Variants in TECPR1 observed in about 807,000 individuals in gnomAD.
TECPR1 encodes the protein tectonin beta-propeller repeat containing 1.
Under a neutral mutation model 162.4 loss-of-function variants are expected in TECPR1, and 122 were observed. The observed-to-expected ratio is 0.75, with a 90% CI of 0.65 to 0.87. The LOEUF (loss-of-function observed/expected upper bound fraction) is 0.87, where lower values mean the gene tolerates loss of function less well. Among genes scored for constraint, TECPR1 ranks in the 40% least tolerant of loss-of-function variants. TECPR1 has a pLI of 0.00. For missense variants in TECPR1, 1,432 were observed against 1,618.2 expected (o/e 0.88, Z 1.97); for synonymous variants, 642 against 670.6 (o/e 0.96, Z 0.66).
At chr7:98,224,177 C>G (rs60997612) in intron 19 of TECPR1, among the ~76,000 whole-genome samples, 1 of 152,040 alleles carries the variant, frequency 6.6e-6, no homozygotes, top group Non-Finnish European at 1.5e-5. Flanking sequence ...GCCGAGGGGA[C>G]GGTCCTGGTC....
rs530607449 is a variant in TECPR1, at chr7:98,238,593, G to A, written c.951C>T (p.Gly317=). Residue 317 remains glycine, a synonymous_variant, in exon 9 of 26, where the codon GGC becomes GGT. Coordinates refer to ENST00000447648, the MANE Select transcript of TECPR1 (RefSeq NM_015395.3). The part of the protein sequence containing the change: ...TKDWKVWFRR[G]VNSHNPCGTS... ...TGCCGCAGGGATTGTGAGAGTTGAC[G>A]CCTCTTCGGAACCACACCTGGGGGA... The A allele has an allele frequency of 4.5e-6, 7 of 1,568,256 alleles. No individual in the cohort carries two copies. In the Admixed American group the frequency reaches 5.7e-5, roughly 13 times the overall value.
Position 98,236,768 on chromosome 7 carries a change from C to T in TECPR1, c.1181+8G>A. ...CTGACTCCTGCGCACCCTGCCACCC[C>T]CAGTCACCTGAGGAGACTAGACGAG... On this transcript the variant is annotated splice_region_variant and intron_variant, in intron 10 of 25. Coordinates refer to ENST00000447648, the MANE Select transcript of TECPR1 (RefSeq NM_015395.3). The T allele has an allele frequency of 6.3e-7, 1 of 1,594,362 alleles. No homozygotes were observed. The highest frequency in any genetic ancestry group is 1.7e-5 in the Admixed American group (1 of 57,502).
chr7:98,229,310 G>T, intron 15 of TECPR1, 144 bp from the exon 16 acceptor site: 1 of 1,094,228 alleles, frequency 9.1e-7, no homozygotes, highest in Non-Finnish European at 1.3e-6. Flanking sequence ...CACCCTGCCT[G>T]ACCTCCGCGT....
chr7:98,243,747 G>T (rs1261519400), intron 5 of TECPR1, among the ~76,000 whole-genome samples, 155 bp from the exon 6 acceptor site: 1 of 152,172 alleles, frequency 6.6e-6, no homozygotes, highest in Non-Finnish European at 1.5e-5. Flanking sequence ...GACTGTGGGG[G>T]CCCCTGCCCG....
At position 98,241,175 on chromosome 7, in the gene TECPR1, C is replaced by T. The variant is rs1189987549; in HGVS notation, c.727G>A (p.Gly243Arg). ...GSSWSLLDTPGEVVQISCGPH... is the reference protein window; with the variant it reads ...GSSWSLLDTPREVVQISCGPH... ...CCACAGCTGATCTGAACCACCTCCC[C>T]GGGGGTGTCCAGCAGGGACCAGGAG... Residue 243 changes from glycine (G) to arginine (R), a missense_variant, in exon 7 of 26, where the codon GGG becomes AGG. Physicochemically the swap from Gly to Arg is moderately radical, Grantham distance 125. Transcript: ENST00000447648. This position sits in a 1 kb window ranked among gnomAD's most constrained non-coding sequence, Gnocchi z 5.0. 1.4e-5 allele frequency: 22 copies of T among 1,612,852 alleles called. No homozygotes were observed. The highest frequency in any genetic ancestry group is 2.2e-5 in the East Asian group (1 of 44,876).
intron 9 of TECPR1, among the ~76,000 whole-genome samples, chr7:98,237,328 C>T (rs1798629967): frequency 6.6e-6 from 1 of 152,264 alleles, no homozygotes; most frequent in Admixed American, 6.5e-5. Flanking sequence ...GAGTCTTGCT[C>T]TGTCACCCAG....
Position 98,236,762 on chromosome 7 carries a change from C to T in TECPR1, c.1181+14G>A. ...CCCAGCCTGACTCCTGCGCACCCTGCCACCCCCAGTCACCTGAGGAGACTA... is the reference window on the plus strand; with the variant it reads ...CCCAGCCTGACTCCTGCGCACCCTGTCACCCCCAGTCACCTGAGGAGACTA... On this transcript the variant is annotated intron_variant, in intron 10 of 25. Coordinates refer to ENST00000447648, the MANE Select transcript of TECPR1 (RefSeq NM_015395.3). The T allele has an allele frequency of 1.3e-6, 2 of 1,592,772 alleles. No individual in the cohort carries two copies. Among genetic ancestry groups the T allele is most frequent in the Non-Finnish European group, 8.5e-7 (1 of 1,173,174 alleles).
Position 98,225,072 on chromosome 7 carries a change from G to T in TECPR1, c.2544C>A (p.Ser848Arg). 1 of 1,569,188 alleles carries T rather than the reference G, an allele frequency of 6.4e-7. No individual in the cohort carries two copies. The highest frequency in any genetic ancestry group is 1.9e-5 in the Admixed American group (1 of 53,120). ...TGCACTCCTGCAGCCCCGAGGCATC[G>T]CTCCACATGTACCGGTCCGTGGGCA... ...RGLPTDRYMW[S>R]DASGLQECTK... Residue 848 changes from serine (S) to arginine (R), a missense_variant, in exon 18 of 26, where the codon AGC becomes AGA. Coordinates refer to ENST00000447648, the MANE Select transcript of TECPR1 (RefSeq NM_015395.3).
intron 10 of TECPR1, among the ~76,000 whole-genome samples, chr7:98,235,849 A>AAAAAAAAAAAAAAAAAAAAAAAACCAAC: frequency 9.1e-6 from 1 of 110,258 alleles, no homozygotes; most frequent in Non-Finnish European, 2.1e-5. Flanking sequence ...AAAAAAAAAA[A>AAAAAAAAAAAAAAAAAAAAAAAACCAAC]AACACCATCT....
chr7:98,244,700 C>A lies in TECPR1; in HGVS notation c.409-7G>T. 6.2e-7 allele frequency: 1 copy of A among 1,604,942 alleles called. No homozygotes were observed. The highest frequency in any genetic ancestry group is 8.5e-7 in the Non-Finnish European group (1 of 1,174,008). ...CGATGGCGTACGTCCACCCCTGAAA[C>A]ACCAAGGAAGGGGCTCTCAGGCTCT... On this transcript the variant is annotated splice_region_variant and splice_polypyrimidine_tract_variant and intron_variant, in intron 4 of 25. Coordinates refer to ENST00000447648, the MANE Select transcript of TECPR1 (RefSeq NM_015395.3).
Position 98,231,029 on chromosome 7 carries a change from C to T in TECPR1, c.2214G>A (p.Gly738=), listed in dbSNP as rs745962508. Residue 738 remains glycine (G), a synonymous_variant, in exon 15 of 26, where the codon GGG becomes GGA. Coordinates refer to ENST00000447648, the MANE Select transcript of TECPR1 (RefSeq NM_015395.3). ...PQAIWSITCK[G]DIFVSEPSPD... ...GGCTGGGCTCGCTCACGAAGATGTCCCCCTTGCAGGTGATGGACCAGATGG... is the reference window on the plus strand; with the variant it reads ...GGCTGGGCTCGCTCACGAAGATGTCTCCCTTGCAGGTGATGGACCAGATGG... The T allele has an allele frequency of 1.9e-6, 3 of 1,612,838 alleles. No individual in the cohort carries two copies. Among genetic ancestry groups the T allele is most frequent in the East Asian group, 4.5e-5 (2 of 44,866 alleles).
At position 98,244,990 on chromosome 7, in the gene TECPR1, G is replaced by A; in HGVS notation, c.303C>T (p.Leu101=). The change falls in exon 4 of 26, where the codon CTC becomes CTT. Residue 101 remains leucine, a synonymous_variant. Coordinates refer to ENST00000447648, the MANE Select transcript of TECPR1 (RefSeq NM_015395.3). ...CCACCCTGTCCAGCGGCCGGTGCTG[G>A]AGCCCACTCACGTCACTCCACCCCC... ...DRWGWSDVSG[L]QHRPLDRVAL... is the part of the protein sequence containing the mutation. 6.2e-7 allele frequency: 1 copy of A among 1,611,968 alleles called. No homozygotes were observed. Among genetic ancestry groups the A allele is most frequent in the Non-Finnish European group, 8.5e-7 (1 of 1,179,520 alleles).
At chr7:98,224,902 G>A in intron 18 of TECPR1, 22 bp from the exon 19 acceptor site, 1 of 1,555,538 alleles carries the variant, frequency 6.4e-7, no homozygotes, top group African/African-American at 1.4e-5. Context: ...GGGTCAGTGA[G>A]GATGGGACCC....
intron 2 of TECPR1, among the ~76,000 whole-genome samples, chr7:98,250,679 A>G (rs1799041398): frequency 6.6e-6 from 1 of 152,116 alleles, no homozygotes; most frequent in Non-Finnish European, 1.5e-5. Context: ...AACAAAACAA[A>G]GATAGCTCAG....
intron 20 of TECPR1, among the ~76,000 whole-genome samples, 166 bp from the exon 21 acceptor site, chr7:98,223,336 C>T (rs1449383626): frequency 1.3e-4 from 17 of 134,282 alleles, no homozygotes; most frequent in Admixed American, 1.0e-3. Flanking sequence ...CCAGGCCCAG[C>T]CAGGCCCCCA....
At position 98,241,064 on chromosome 7, in the gene TECPR1, G is replaced by T. The variant is rs764344996; in HGVS notation, c.832+6C>A. 2 of 1,600,624 alleles carry T rather than the reference G, an allele frequency of 1.2e-6. No individual in the cohort carries two copies. On this transcript the variant is annotated splice_donor_region_variant and intron_variant, in intron 7 of 25. Transcript: ENST00000447648. The surrounding 1 kb of genome is among the most constrained non-coding windows in gnomAD (Gnocchi z 5.0). ...GGTATGTGGGTGGGGGAGCCGGGCT[G>T]CCCACCTTTGGGATTGCTCCTGTTG...
rs1798002175 is a variant in TECPR1 at position 98,216,156 on chromosome 7, G to GA, written c.*1233_*1234insT. The GA allele has an allele frequency of 6.6e-6, 1 of 152,328 alleles. No individual in the cohort carries two copies. Among genetic ancestry groups the GA allele is most frequent in the Admixed American group, 6.5e-5 (1 of 15,290 alleles). 9.4% of individuals were successfully genotyped at this position (152,328 alleles called of 1,614,324 possible). A position where few individuals can be genotyped will look rare whatever the true frequency, so the allele number is the denominator to read the frequency against. The stretch of plus-strand genomic sequence containing the variant: ...AGCAGCTGAGAGACTGCGGGATGGG[G>GA]TCGGGGCCACTTGGCCGACACCTTC... On this transcript the variant is annotated 3_prime_UTR_variant, in exon 26 of 26. Coordinates refer to ENST00000447648, the MANE Select transcript of TECPR1 (RefSeq NM_015395.3).
rs982891007 is a variant in TECPR1, at chr7:98,225,000, C to A, written c.2610+6G>T. 5 of 1,545,946 alleles carry A rather than the reference C, an allele frequency of 3.2e-6. No homozygotes were observed. Among genetic ancestry groups the A allele is most frequent in the African/African-American group, 2.7e-5 (2 of 72,856 alleles). Reference sequence around the variant, plus strand: ...CCCAACCCCCCAGGGGGCAGCGGGACCTCACCCAGGCCCACTGCAGGGACG... The same window carrying A: ...CCCAACCCCCCAGGGGGCAGCGGGAACTCACCCAGGCCCACTGCAGGGACG... On this transcript the variant is annotated splice_donor_region_variant and intron_variant, in intron 18 of 25. Transcript: ENST00000447648.
chr7:98,246,566 A>G (rs923054324), intron 2 of TECPR1, among the ~76,000 whole-genome samples: 4 of 148,320 alleles, frequency 2.7e-5, no homozygotes, highest in Non-Finnish European at 5.9e-5. Context: ...CGCGTGGCCA[A>G]CTGCTTATTC....
Sources: allele counts gnomAD v4.1 joint callset (sites outside exome capture counted in the v4.1 genomes callset), GRCh38; gene constraint gnomAD v4.1.1; non-coding constraint Gnocchi (gnomAD v3.1); transcripts MANE v1.5; gene names NCBI Gene and HGNC (gene_info 2026-07-23, HGNC 2026-07-21).